The following DEFB110 variants were observed in gnomAD, a reference collection of about 807,000 sequenced individuals.
The protein encoded by DEFB110 is defensin beta 110.
Under a neutral mutation model 2.5 loss-of-function variants are expected in DEFB110, and 4 were observed. That is an observed-to-expected ratio of 1.60 (90% CI 0.79 to 3.66). DEFB110 has a LOEUF of 3.66. Ranked by LOEUF, DEFB110 falls within the 30% of genes most tolerant of loss-of-function variation. DEFB110 has a pLI of 0.01. For synonymous variants in DEFB110, 29 were observed against 21.8 expected (o/e 1.33, Z -0.92); for missense variants, 94 against 75.4 (o/e 1.25, Z -0.91).
intron 1 of DEFB110, among the ~76,000 whole-genome samples, chr6:50,013,568 T>C (rs1301561914): frequency 6.6e-6 from 1 of 151,608 alleles, no homozygotes; most frequent in Non-Finnish European, 1.5e-5. Context: ...AGGGAGGAAA[T>C]AGAGAAATTT....
At chr6:50,017,936 C>A (rs9349512), downstream of DEFB110, among the ~76,000 whole-genome samples, 2 of 151,770 alleles carry the variant, frequency 1.3e-5, no homozygotes, top group African/African-American at 4.8e-5. Flanking sequence ...GTTAATTTCC[C>A]AAAATATTGG....
At chr6:50,009,293 A>C in intron 1 of DEFB110, 1 of 1,582,366 alleles carries the variant, frequency 6.3e-7, no homozygotes, top group Non-Finnish European at 8.5e-7. Context: ...AAAAATATCT[A>C]AAGTTATTAG....
intron 1 of DEFB110, among the ~76,000 whole-genome samples, chr6:50,009,614 C>T (rs1414082863): frequency 2.0e-5 from 3 of 152,064 alleles, no homozygotes; most frequent in African/African-American, 2.4e-5. Flanking sequence ...TTTGTTATTG[C>T]AGCCAAAATA....
At position 50,019,098 on chromosome 6, in the gene DEFB110, C is replaced by T. The variant is rs147809825; in HGVS notation, c.83G>A (p.Ser28Asn). Residue 28 changes from serine (S) to asparagine (N), a missense_variant, in exon 2 of 2, where the codon AGC becomes AAC. Physicochemically the swap from Ser to Asn is conservative, Grantham distance 46. Transcript: ENST00000371148. ...PAKKKYPEYG[S>N]LDLRRECRIG... ...TCTGCACTCTCTCCTCAAGTCCAAG[C>T]TACCATACTCAGGATATTTCTTTTT... 6.2e-7 allele frequency: 1 copy of T among 1,612,742 alleles called. No individual in the cohort carries two copies. The highest frequency in any genetic ancestry group is 1.3e-5 in the African/African-American group (1 of 74,846).
chr6:50,012,468 G>A (rs757204810), intron 1 of DEFB110, among the ~76,000 whole-genome samples: 21 of 152,032 alleles, frequency 1.4e-4, no homozygotes, highest in African/African-American at 2.6e-4. Context: ...TTTATTACAT[G>A]TTATTCATCA....
chr6:50,016,686 T>C (rs1208723355), downstream of DEFB110, among the ~76,000 whole-genome samples: 1 of 150,008 alleles, frequency 6.7e-6, no homozygotes, highest in Admixed American at 6.6e-5. Context: ...GTTTTCAGTC[T>C]TTTTTTCACG....
chr6:50,018,677 T>C (rs916476873), downstream of DEFB110, among the ~76,000 whole-genome samples: 3 of 152,016 alleles, frequency 2.0e-5, no homozygotes, highest in Non-Finnish European at 4.4e-5. Flanking sequence ...ACCTTACTTA[T>C]GGCAACTAAC....
downstream of DEFB110, among the ~76,000 whole-genome samples, chr6:50,014,555 G>A (rs919438921): frequency 1.3e-5 from 2 of 151,726 alleles, no homozygotes; most frequent in Non-Finnish European, 2.9e-5. Context: ...CATATAAGAA[G>A]AAATGAAATA....
intron 1 of DEFB110, among the ~76,000 whole-genome samples, chr6:50,010,695 G>A (rs1194158980): frequency 1.3e-5 from 2 of 151,422 alleles, no homozygotes; most frequent in Non-Finnish European, 3.0e-5. Flanking sequence ...GAATTTTAGT[G>A]AAATCTGAAG....
chr6:50,019,230 C>A, intron 1 of DEFB110, 105 bp from the exon 2 acceptor site: 1 of 1,213,642 alleles, frequency 8.2e-7, no homozygotes, highest in South Asian at 1.5e-5. Context: ...TGAAAATGTC[C>A]ACCTACCTAT....
At chr6:50,015,563 A>G (rs557671332), downstream of DEFB110, among the ~76,000 whole-genome samples, 4 of 151,876 alleles carry the variant, frequency 2.6e-5, no homozygotes, top group South Asian at 8.3e-4. Context: ...TCTATGACAA[A>G]TCATGTTTAA....
At chr6:50,019,161 T>C in intron 1 of DEFB110, 36 bp from the exon 2 acceptor site, 2 of 1,589,232 alleles carry the variant, frequency 1.3e-6, no homozygotes, top group Non-Finnish European at 1.7e-6. Context: ...ATTAGCCATC[T>C]AGCTATGACA....
intron 1 of DEFB110, among the ~76,000 whole-genome samples, chr6:50,019,425 C>T (rs1291179373): frequency 1.3e-5 from 2 of 152,120 alleles, no homozygotes; most frequent in African/African-American, 4.8e-5. Context: ...GTCAGACTCT[C>T]TCTCTGCAAT....
At chr6:50,012,884 T>C (rs1043617772) in intron 1 of DEFB110, among the ~76,000 whole-genome samples, 1 of 151,666 alleles carries the variant, frequency 6.6e-6, no homozygotes, top group Non-Finnish European at 1.5e-5. Flanking sequence ...GATGATGACA[T>C]AGATGAGAAA....
At chr6:50,011,786 A>AGTGTT (rs1305325157) in intron 1 of DEFB110, among the ~76,000 whole-genome samples, 5 of 152,034 alleles carry the variant, frequency 3.3e-5, no homozygotes, top group African/African-American at 1.2e-4. Flanking sequence ...AGAGGGAGGC[A>AGTGTT]GTGTTGAAAG....
Position 50,018,900 on chromosome 6 carries a change from C to A in DEFB110, c.*77G>T, listed in dbSNP as rs562264085. On this transcript the variant is annotated 3_prime_UTR_variant, in exon 2 of 2. Transcript: ENST00000371148. ...TTGTGTATTATAGAGACACACACGC[C>A]TTGAAGGATGTGCTGGGAAAACTTA... 4.0e-6 allele frequency: 6 copies of A among 1,514,828 alleles called. No individual in the cohort carries two copies. In the Admixed American group the frequency reaches 8.9e-5, roughly 22 times the overall value. 93.8% of individuals were successfully genotyped at this position (1,514,828 alleles called of 1,614,324 possible).
rs564055298 is a variant in DEFB110 at position 50,020,082 on chromosome 6, G to A, written c.56-957C>T. ...TATCAATCATGAAAGAATGGGTGAG[G>A]GATTTGTAGCTGGGGTCACAAGAAG... is the stretch of plus-strand genomic sequence containing the variant. On this transcript the variant is annotated intron_variant, in intron 1 of 1. Coordinates refer to ENST00000371148, the MANE Select transcript of DEFB110 (RefSeq NM_001037497.2). 3.4e-4 allele frequency among the ~76,000 whole-genome samples: 52 copies of A among 152,114 alleles called. No homozygotes were observed. In the South Asian group the frequency reaches 3.7e-3, roughly 11 times the overall value.
downstream of DEFB110, among the ~76,000 whole-genome samples, chr6:50,017,167 G>A (rs546967399): frequency 5.9e-5 from 9 of 151,400 alleles, no homozygotes; most frequent in Non-Finnish European, 7.4e-5. Context: ...TTTTCTTGAC[G>A]TAGCTAATAT....
chr6:50,009,995 T>C (rs557468416), intron 1 of DEFB110, among the ~76,000 whole-genome samples: 1 of 152,204 alleles, frequency 6.6e-6, no homozygotes, highest in Non-Finnish European at 1.5e-5. Flanking sequence ...TTTAAAGTTT[T>C]ATTGTTCCTA....
Sources: gnomAD v4.1 joint callset for allele counts (sites outside exome capture counted in the v4.1 genomes callset) on GRCh38, gnomAD v4.1.1 for gene constraint, MANE v1.5 for transcripts, NCBI Gene and HGNC (gene_info 2026-07-23, HGNC 2026-07-21) for gene names.